The following TMEM156 variants were observed in gnomAD, a reference collection of about 807,000 sequenced individuals.
The protein encoded by TMEM156 is transmembrane protein 156.
In TMEM156, 28 loss-of-function variants were observed where a neutral mutation model predicts 30.5. That is an observed-to-expected ratio of 0.92 (90% CI 0.68 to 1.26). TMEM156 has a LOEUF of 1.26. Among genes scored for constraint, TMEM156 ranks in the 50% most tolerant of loss-of-function variants. The pLI, the probability that TMEM156 is intolerant of heterozygous loss-of-function variation, is 0.00. For missense variants in TMEM156, 351 were observed against 340.6 expected (o/e 1.03, Z -0.24); for synonymous variants, 137 against 119.9 (o/e 1.14, Z -0.93).
intron 1 of TMEM156, among the ~76,000 whole-genome samples, chr4:39,022,408 A>C (rs1227639349): frequency 2.0e-5 from 3 of 152,174 alleles, no homozygotes. Context: ...TGACCCAGTG[A>C]AACTGAAATT....
intron 3 of TMEM156, among the ~76,000 whole-genome samples, chr4:38,993,098 C>A (rs867297465): frequency 1.9e-4 from 29 of 151,490 alleles, no homozygotes; most frequent in Middle Eastern, 6.8e-3. Flanking sequence ...CCCTTTAGTA[C>A]ACAAATATGG....
chr4:39,018,827 C>G (rs560759956), intron 1 of TMEM156, among the ~76,000 whole-genome samples: 1 of 152,074 alleles, frequency 6.6e-6, no homozygotes, highest in Non-Finnish European at 1.5e-5. Context: ...TCGAGACCAG[C>G]CTGGCCAACA....
intron 1 of TMEM156, among the ~76,000 whole-genome samples, chr4:39,007,573 G>A (rs1004407989): frequency 3.2e-4 from 49 of 152,046 alleles, no homozygotes; most frequent in Middle Eastern, 3.4e-3. Flanking sequence ...TCCTGCCTCC[G>A]CCTCCCAAGT....
intron 3 of TMEM156, among the ~76,000 whole-genome samples, chr4:38,992,742 A>ATATTAT (rs1350571457): frequency 2.0e-5 from 1 of 48,928 alleles, no homozygotes; most frequent in African/African-American, 7.1e-5. Flanking sequence ...TATAATATAT[A>ATATTAT]ATATATTATA....
intron 5 of TMEM156, among the ~76,000 whole-genome samples, chr4:38,979,907 T>G (rs1216947153): frequency 6.6e-6 from 1 of 152,206 alleles, no homozygotes; most frequent in African/African-American, 2.4e-5. Flanking sequence ...AATGCAGAAC[T>G]TCAATATTGC....
intron 1 of TMEM156, 66 bp from the exon 2 acceptor site, chr4:38,998,975 TAC>T: frequency 7.1e-7 from 1 of 1,416,316 alleles, no homozygotes; most frequent in Admixed American, 2.2e-5. Flanking sequence ...TTCAAATAAA[TAC>T]ACAGTATGCT....
chr4:38,971,111 C>A lies in TMEM156; in HGVS notation c.850G>T (p.Asp284Tyr). ...SAETTQRLPL[D>Y]QVQEVLPPIP... The stretch of plus-strand genomic sequence containing the variant: ...GGGGGAAGCACTTCCTGGACTTGAT[C>A]CAAAGGCAGCCTCTGCGTGGTCTCT... Residue 284 changes from aspartate to tyrosine, a missense_variant, in exon 6 of 7, where the codon GAT becomes TAT. Coordinates refer to ENST00000381938, the MANE Select transcript of TMEM156 (RefSeq NM_024943.3). 4 of 1,613,998 alleles carry A rather than the reference C, an allele frequency of 2.5e-6. No individual in the cohort carries two copies. The highest frequency in any genetic ancestry group is 3.4e-6 in the Non-Finnish European group (4 of 1,179,934).
At chr4:38,990,154 T>C (rs148915838) in intron 3 of TMEM156, among the ~76,000 whole-genome samples, 102 of 152,364 alleles carry the variant, frequency 6.7e-4, no homozygotes, top group African/African-American at 2.4e-3. Context: ...AAAAGACAGC[T>C]AGTACTTATG....
rs1722400621 is a variant in TMEM156 at position 38,967,520 on chromosome 4, A to G, written c.*160T>C. 6.6e-6 allele frequency: 1 copy of G among 152,198 alleles called. No individual in the cohort carries two copies. Among genetic ancestry groups the G allele is most frequent in the Non-Finnish European group, 1.5e-5 (1 of 68,042 alleles). 9.4% of individuals were successfully genotyped at this position (152,198 alleles called of 1,614,324 possible). Reference sequence around the variant, plus strand: ...AGCTAGTTTTCATCAACCAGTCAGCATTCCTCCTGCTTTCCAACTGTGCAT... The same window carrying G: ...AGCTAGTTTTCATCAACCAGTCAGCGTTCCTCCTGCTTTCCAACTGTGCAT... On this transcript the variant is annotated 3_prime_UTR_variant, in exon 7 of 7. Transcript: ENST00000381938.
At chr4:39,016,989 C>T (rs1714530664) in intron 1 of TMEM156, among the ~76,000 whole-genome samples, 1 of 151,900 alleles carries the variant, frequency 6.6e-6, no homozygotes, top group Admixed American at 6.6e-5. Context: ...AGGGGAACTC[C>T]CATTTATAAA....
rs574671935 is a variant in TMEM156 at position 38,980,816 on chromosome 4, C to T, written c.823+5520G>A. 4.0e-5 allele frequency: 22 copies of T among 551,764 alleles called. No homozygotes were observed. The South Asian group carries it at 1.0e-3, about 26-fold the overall frequency. The allele number at this position is 551,764 out of a possible 1,614,324, so 34.2% of individuals were successfully genotyped here. ...GGTTTGTAGAGGGTGGCAGGAGAGG[C>T]GGGATGGTTCAGGCAGGGACAATCT... On this transcript the variant is annotated intron_variant, in intron 5 of 6. Coordinates refer to ENST00000381938, the MANE Select transcript of TMEM156 (RefSeq NM_024943.3).
At chr4:38,986,313 T>A (rs909024439) in intron 5 of TMEM156, 23 bp downstream of exon 5, 1 of 1,581,982 alleles carries the variant, frequency 6.3e-7, no homozygotes, top group African/African-American at 1.3e-5. Flanking sequence ...AGTGCTGTTT[T>A]GTTTACATGC....
At chr4:38,973,321 A>G (rs1021496054) in intron 5 of TMEM156, among the ~76,000 whole-genome samples, 2 of 152,154 alleles carry the variant, frequency 1.3e-5, no homozygotes, top group Admixed American at 1.3e-4. Flanking sequence ...GCATCTTTAT[A>G]TATTCGTCTT....
intron 1 of TMEM156, among the ~76,000 whole-genome samples, chr4:39,013,344 GA>G (rs1033029984): frequency 9.5e-5 from 14 of 146,638 alleles, no homozygotes; most frequent in African/African-American, 2.8e-4. Flanking sequence ...AGAAAACAAA[GA>G]AAAAAAAAGA....
At chr4:39,026,235 C>T (rs1191504989) in intron 1 of TMEM156, among the ~76,000 whole-genome samples, 2 of 151,890 alleles carry the variant, frequency 1.3e-5, no homozygotes, top group South Asian at 2.1e-4. Flanking sequence ...TAGAGAAAGT[C>T]TTTTTTTTCT....
intron 1 of TMEM156, among the ~76,000 whole-genome samples, chr4:39,011,135 G>A (rs1460790653): frequency 6.6e-6 from 1 of 152,048 alleles, no homozygotes. Flanking sequence ...TATCCAAGCA[G>A]CCAACAAATA....
intron 1 of TMEM156, among the ~76,000 whole-genome samples, chr4:39,022,223 T>TATA (rs1429456408): frequency 6.6e-6 from 1 of 152,244 alleles, no homozygotes; most frequent in Admixed American, 6.5e-5. Context: ...CAACTGTGTT[T>TATA]ATAAACTCTC....
intron 5 of TMEM156, among the ~76,000 whole-genome samples, chr4:38,976,917 C>G (rs10696171): frequency 7.5e-6 from 1 of 132,524 alleles, no homozygotes; most frequent in African/African-American, 2.8e-5. Flanking sequence ...TGTTGTTGTT[C>G]TTGTTTGAGA....
intron 1 of TMEM156, among the ~76,000 whole-genome samples, chr4:39,002,102 C>A (rs1440419849): frequency 2.2e-5 from 3 of 137,480 alleles, no homozygotes; most frequent in Non-Finnish European, 4.8e-5. Context: ...AGGCAACCTA[C>A]AAAATGGGAG....
Sources: allele counts gnomAD v4.1 joint callset (sites outside exome capture counted in the v4.1 genomes callset), GRCh38; gene constraint gnomAD v4.1.1; transcripts MANE v1.5; gene names NCBI Gene and HGNC (gene_info 2026-07-23, HGNC 2026-07-21).